MYO1H: variants seen among roughly 807,000 people sequenced by gnomAD.
The protein encoded by MYO1H is myosin IH.
A neutral mutation model predicts 149.3 loss-of-function variants in MYO1H; 118 were observed. That is an observed-to-expected ratio of 0.79 (90% CI 0.68 to 0.92). The LOEUF is 0.92. MYO1H is among the 40% of genes least tolerant of loss of function. The probability of loss-of-function intolerance (pLI) is 0.00; values close to 1 mark genes in which losing one functional copy is unlikely to be tolerated. For missense variants in MYO1H, 1,212 were observed against 1,280.7 expected (o/e 0.95, Z 0.82); for synonymous variants, 447 against 465.2 (o/e 0.96, Z 0.50).
rs911395637 is a variant in MYO1H, at chr12:109,381,233, T to A, written c.13-7450T>A. ...GCATCCTTATAAGCAAGAAAGCTCA[T>A]AAAGACAAGGCCATGTCAGAAGGAC... On this transcript the variant is annotated intron_variant, in intron 1 of 31. Coordinates refer to ENST00000310903, the Ensembl canonical transcript of MYO1H. Among the ~76,000 whole-genome samples the A allele has an allele frequency of 2.6e-5, 4 of 151,976 alleles. No homozygotes were observed. The East Asian group carries it at 7.7e-4, about 29-fold the overall frequency.
Position 109,446,948 on chromosome 12 carries a change from C to G in MYO1H, c.3094-211C>G, listed in dbSNP as rs1872507333. ...CTCTCCTCTGGAGTCACACGGAGTC[C>G]ATCTTCCTCCCTGACTGGTTCTGGC... On this transcript the variant is annotated intron_variant, in intron 31 of 31. Transcript: ENST00000310903. 1.5e-5 allele frequency: 9 copies of G among 617,692 alleles called. No homozygotes were observed. The South Asian group carries it at 1.7e-4, about 11-fold the overall frequency. The allele number at this position is 617,692 out of a possible 1,614,324, so 38.3% of individuals were successfully genotyped here.
intron 1 of MYO1H, among the ~76,000 whole-genome samples, chr12:109,351,703 G>A (rs540563106): frequency 6.6e-6 from 1 of 152,314 alleles, no homozygotes; most frequent in Non-Finnish European, 1.5e-5. Flanking sequence ...CCATGGCTAG[G>A]ATGATTGCAA....
intron 1 of MYO1H, among the ~76,000 whole-genome samples, chr12:109,350,944 T>C (rs1868450261): frequency 1.3e-5 from 2 of 152,172 alleles, no homozygotes; most frequent in Non-Finnish European, 2.9e-5. Context: ...AATGTGCATA[T>C]ACAGTTACAT....
chr12:109,327,212 A>C, the MYO1H span, among the ~76,000 whole-genome samples: 1 of 140,700 alleles, frequency 7.1e-6, no homozygotes, highest in African/African-American at 2.7e-5. Context: ...AGCTCCCTGC[A>C]ACCTCTGCCT....
rs188549983 is a variant in MYO1H at position 109,375,670 on chromosome 12, T to A, written c.13-13013T>A. Among the ~76,000 whole-genome samples, 168 of 152,340 alleles carry A rather than the reference T, an allele frequency of 1.1e-3. 1 individual carries two copies. Among genetic ancestry groups the A allele is most frequent in the African/African-American group, 3.4e-3 (142 of 41,586 alleles). On this transcript the variant is annotated intron_variant, in intron 1 of 31. Transcript: ENST00000310903. ...ATCATTCCCTTTATGGTTGATGCTT[T>A]TTCATATGAATTATGAAGAAATCCT...
intron 11 of MYO1H, 95 bp downstream of exon 11, chr12:109,409,719 C>A: frequency 9.4e-7 from 1 of 1,066,196 alleles, no homozygotes. Flanking sequence ...AGATTGATTT[C>A]CCTGTCCCCA....
At chr12:109,352,947 C>A (rs5013021) in intron 1 of MYO1H, among the ~76,000 whole-genome samples, 76,355 of 151,478 alleles carry the variant, frequency 0.5, 19,871 homozygotes, top group African/African-American at 0.62. Context: ...GAGACACAGC[C>A]CCACTATTAC....
At chr12:109,405,880 C>T in intron 7 of MYO1H, 42 bp from the exon 8 acceptor site, 3 of 1,420,520 alleles carry the variant, frequency 2.1e-6, no homozygotes, top group Non-Finnish European at 3.0e-6. Flanking sequence ...TTCTCTTTCC[C>T]TGTCCTGATC....
chr12:109,363,070 G>T (rs763015606), intron 1 of MYO1H, among the ~76,000 whole-genome samples: 1 of 151,974 alleles, frequency 6.6e-6, no homozygotes, highest in Non-Finnish European at 1.5e-5. Flanking sequence ...AGTTATCTCC[G>T]CAATTAGGCA....
chr12:109,384,044 C>T (rs148918797), intron 1 of MYO1H, among the ~76,000 whole-genome samples: 2 of 152,306 alleles, frequency 1.3e-5, no homozygotes, highest in East Asian at 1.9e-4. Flanking sequence ...GTAAATTGTA[C>T]GACAGGACTG....
intron 2 of MYO1H, among the ~76,000 whole-genome samples, chr12:109,389,267 A>G (rs942991011): frequency 1.3e-5 from 2 of 152,148 alleles, no homozygotes; most frequent in Non-Finnish European, 2.9e-5. Context: ...TACTCTGGGG[A>G]TAAGCTCTAG....
At chr12:109,318,432 G>T in the MYO1H span, among the ~76,000 whole-genome samples, 1 of 152,152 alleles carries the variant, frequency 6.6e-6, no homozygotes, top group East Asian at 1.9e-4. Context: ...AGAGTATGGA[G>T]AGGAATAAAA....
the MYO1H span, among the ~76,000 whole-genome samples, chr12:109,322,103 GCT>G: frequency 1.3e-5 from 2 of 151,852 alleles, no homozygotes; most frequent in Non-Finnish European, 2.9e-5. Flanking sequence ...ATATGAGCTG[GCT>G]CTCTTTATGG....
At chr12:109,434,556 G>A (rs1490470190) in intron 20 of MYO1H, among the ~76,000 whole-genome samples, 1 of 152,110 alleles carries the variant, frequency 6.6e-6, no homozygotes, top group African/African-American at 2.4e-5. Context: ...TTAAAGCCTA[G>A]CAACATAACT....
At position 109,349,286 on chromosome 12, in the gene MYO1H, G is replaced by A. The variant is rs1276330969; in HGVS notation, c.12+1314G>A. 2.6e-5 allele frequency among the ~76,000 whole-genome samples: 4 copies of A among 152,072 alleles called. No individual in the cohort carries two copies. In the East Asian group the frequency reaches 5.8e-4, roughly 22 times the overall value. Reference sequence around the variant, plus strand: ...CATAGTTACACTTTTTTGAAAAATGGAGGAAGCTCTTCCTTCTTATGAATT... The same window carrying A: ...CATAGTTACACTTTTTTGAAAAATGAAGGAAGCTCTTCCTTCTTATGAATT... On this transcript the variant is annotated intron_variant, in intron 1 of 31. Coordinates refer to ENST00000310903, the Ensembl canonical transcript of MYO1H.
chr12:109,398,741 C>CAAAAAAAAA, intron 5 of MYO1H, among the ~76,000 whole-genome samples: 1 of 52,000 alleles, frequency 1.9e-5, no homozygotes, highest in Non-Finnish European at 3.4e-5. Context: ...AACTTCCTCT[C>CAAAAAAAAA]AAAAAAAAAA....
chr12:109,312,729 C>T, the MYO1H span, among the ~76,000 whole-genome samples: 2 of 151,656 alleles, frequency 1.3e-5, no homozygotes, highest in African/African-American at 2.4e-5. Context: ...TAGTGAACTG[C>T]AGGGCATGTC....
chr12:109,321,442 ACTT>A, the MYO1H span, among the ~76,000 whole-genome samples: 1 of 151,780 alleles, frequency 6.6e-6, no homozygotes, highest in Non-Finnish European at 1.5e-5. Context: ...AATCCCAGCT[ACTT>A]AGGAGGCTGA....
the MYO1H span, among the ~76,000 whole-genome samples, chr12:109,324,027 A>T: frequency 2.8e-5 from 4 of 144,842 alleles, no homozygotes; most frequent in African/African-American, 1.0e-4. Context: ...AAAAAAAAAA[A>T]AGTGTTCAAC....
Sources: allele counts gnomAD v4.1 joint callset (sites outside exome capture counted in the v4.1 genomes callset), GRCh38; gene constraint gnomAD v4.1.1; transcripts MANE v1.5; gene names NCBI Gene and HGNC (gene_info 2026-07-23, HGNC 2026-07-21).